C14orf132: variants seen among roughly 807,000 people sequenced by gnomAD.
C14orf132 encodes the protein chromosome 14 open reading frame 132, also known as uncharacterized protein C14orf132.
In C14orf132, 6 loss-of-function variants were observed where a neutral mutation model predicts 5.8. That is an observed-to-expected ratio of 1.03 (90% confidence interval 0.57 to 2.04). C14orf132 has a LOEUF of 2.04. Among genes scored for constraint, C14orf132 ranks in the 30% most tolerant of loss-of-function variants. The pLI, the probability that C14orf132 is intolerant of heterozygous loss-of-function variation, is 0.00. For synonymous variants in C14orf132, 51 were observed against 49.8 expected (o/e 1.02, Z -0.10); for missense variants, 125 against 115.8 (o/e 1.08, Z -0.37).
chr14:96,040,772 T>A (rs1737383518), intron 1 of C14orf132, among the ~76,000 whole-genome samples: 1 of 151,798 alleles, frequency 6.6e-6, no homozygotes, highest in African/African-American at 2.4e-5. Flanking sequence ...TGATTTTACA[T>A]CTCCTGTGCC....
intron 1 of C14orf132, among the ~76,000 whole-genome samples, chr14:96,054,261 C>T (rs1404276034): frequency 2.6e-5 from 4 of 152,190 alleles, no homozygotes; most frequent in Non-Finnish European, 5.9e-5. Flanking sequence ...GGAGTCAGGT[C>T]TCCCTGGGCT....
Position 96,093,653 on chromosome 14 carries a change from T to C in C14orf132, c.*6918T>C, listed in dbSNP as rs1888489938. 6.6e-6 allele frequency: 1 copy of C among 152,236 alleles called. No homozygotes were observed. Among genetic ancestry groups the C allele is most frequent in the South Asian group, 2.1e-4 (1 of 4,826 alleles). 9.4% of individuals were successfully genotyped at this position (152,236 alleles called of 1,614,324 possible). On this transcript the variant is annotated 3_prime_UTR_variant, in exon 2 of 2. Transcript: ENST00000555004. ...TGTAAGCAGTTGACTTCATAAAAGG[T>C]ATTTTAACTATTCTTGGAGTCCTTT...
intron 1 of C14orf132, among the ~76,000 whole-genome samples, chr14:96,085,173 G>A (rs1277788677): frequency 6.6e-6 from 1 of 152,232 alleles, no homozygotes; most frequent in Admixed American, 6.5e-5. Flanking sequence ...GGATTGTTGA[G>A]TGATTGAGAG....
intron 1 of C14orf132, among the ~76,000 whole-genome samples, chr14:96,079,516 C>G (rs1470395092): frequency 6.6e-6 from 1 of 152,018 alleles, no homozygotes; most frequent in Non-Finnish European, 1.5e-5. Context: ...AAATGTTGAG[C>G]CCTTCCGAAG....
In C14orf132 at chr14:96,086,644, C is replaced by T. The variant is rs1374174665; in HGVS notation, c.161C>T (p.Ser54Phe). Residue 54 changes from serine to phenylalanine, a missense_variant, in exon 2 of 2, where the codon TCC becomes TTC. By Grantham distance (155) the Ser-to-Phe change is radical. Transcript: ENST00000555004. ...GQGQPEDPPR[S>F]SNDAVLLWIA... ...GGCCAGCCGGAAGATCCTCCTCGGT[C>T]CTCCAACGACGCCGTCTTGCTATGG... 2 of 1,536,186 alleles carry T rather than the reference C, an allele frequency of 1.3e-6. No individual in the cohort carries two copies. Among genetic ancestry groups the T allele is most frequent in the Admixed American group, 2.0e-5 (1 of 51,010 alleles).
chr14:96,046,121 G>A (rs1357172020), intron 1 of C14orf132, among the ~76,000 whole-genome samples: 1 of 152,190 alleles, frequency 6.6e-6, no homozygotes, highest in Admixed American at 6.5e-5. Context: ...AGAAGCTGCA[G>A]GCTTCGTAGG....
intron 1 of C14orf132, among the ~76,000 whole-genome samples, chr14:96,056,695 T>A (rs1189907796): frequency 6.6e-6 from 1 of 152,096 alleles, no homozygotes; most frequent in Non-Finnish European, 1.5e-5. Context: ...TTCTGTTTTT[T>A]TTGGTCTGCA....
intron 1 of C14orf132, among the ~76,000 whole-genome samples, chr14:96,077,450 T>C (rs1887903836): frequency 6.6e-6 from 1 of 152,154 alleles, no homozygotes; most frequent in South Asian, 2.1e-4. Context: ...ATGCCCTAGT[T>C]CAGTATGATT....
rs149963567 is a variant in C14orf132, at chr14:96,046,814, C to T, written c.27+7287C>T. On this transcript the variant is annotated intron_variant, in intron 1 of 1. Coordinates refer to ENST00000555004, the MANE Select transcript of C14orf132 (RefSeq NM_001252507.3). ...CCTTGAGAGACTCACAGTTAATTTG[C>T]ATTTTAATCATTTTTCACAGAGGGG... Among the ~76,000 whole-genome samples, 34 of 152,310 alleles carry T rather than the reference C, an allele frequency of 2.2e-4. No individual in the cohort carries two copies. In the East Asian group the frequency reaches 3.7e-3, roughly 16 times the overall value.
chr14:96,086,703 G>A lies in C14orf132; in HGVS notation c.220G>A (p.Val74Met). The change falls in exon 2 of 2, where the codon GTG (valine) becomes ATG (methionine). Residue 74 changes from valine (V) to methionine (M), a missense_variant. Physicochemically the swap from Val to Met is conservative, Grantham distance 21. Coordinates refer to ENST00000555004, the MANE Select transcript of C14orf132 (RefSeq NM_001252507.3). ...AIIATLGNIVVVGVVYAFTF is the reference protein window; with the variant it reads ...AIIATLGNIVMVGVVYAFTF Reference sequence around the variant, plus strand: ...CATAGCTACGCTGGGGAACATCGTGGTGGTGGGCGTGGTGTATGCCTTCAC... The same window carrying A: ...CATAGCTACGCTGGGGAACATCGTGATGGTGGGCGTGGTGTATGCCTTCAC... The A allele has an allele frequency of 1.3e-6, 2 of 1,536,188 alleles. No individual in the cohort carries two copies. The highest frequency in any genetic ancestry group is 1.4e-5 in the African/African-American group (1 of 73,182).
chr14:96,048,186 T>C (rs1886886273), intron 1 of C14orf132, among the ~76,000 whole-genome samples: 1 of 152,194 alleles, frequency 6.6e-6, no homozygotes, highest in Admixed American at 6.5e-5. Flanking sequence ...AAACTCCATC[T>C]CAAAAAACAA....
chr14:96,064,802 A>G (rs1348243391), intron 1 of C14orf132, among the ~76,000 whole-genome samples: 1 of 152,082 alleles, frequency 6.6e-6, no homozygotes. Flanking sequence ...AACCACCTGT[A>G]CCCCAATAAC....
intron 1 of C14orf132, among the ~76,000 whole-genome samples, chr14:96,044,687 C>CT (rs1886786932): frequency 6.6e-6 from 1 of 152,190 alleles, no homozygotes; most frequent in Non-Finnish European, 1.5e-5. Flanking sequence ...CCAGGCCACT[C>CT]TCTTGGCATC....
At chr14:96,054,770 G>A (rs1177476893) in intron 1 of C14orf132, among the ~76,000 whole-genome samples, 2 of 152,128 alleles carry the variant, frequency 1.3e-5, no homozygotes, top group African/African-American at 4.8e-5. Context: ...TCAGGCTCTG[G>A]TCTGTTAGTG....
intron 1 of C14orf132, among the ~76,000 whole-genome samples, chr14:96,043,622 C>A (rs1335471829): frequency 1.3e-5 from 2 of 152,158 alleles, no homozygotes; most frequent in Admixed American, 6.5e-5. Flanking sequence ...GGGAGCCAGG[C>A]ACCAGCACTT....
At chr14:96,047,353 G>A (rs1886857009) in intron 1 of C14orf132, among the ~76,000 whole-genome samples, 1 of 152,200 alleles carries the variant, frequency 6.6e-6, no homozygotes, top group Admixed American at 6.5e-5. Flanking sequence ...ATCTGCAGGT[G>A]GATGGCCAGT....
chr14:96,071,937 G>C (rs1310315322), intron 1 of C14orf132, among the ~76,000 whole-genome samples: 5 of 152,256 alleles, frequency 3.3e-5, no homozygotes, highest in African/African-American at 9.6e-5. Context: ...ATGCCTGGGA[G>C]AGCCATGTGA....
At chr14:96,053,251 T>C (rs959603610) in intron 1 of C14orf132, among the ~76,000 whole-genome samples, 1 of 152,192 alleles carries the variant, frequency 6.6e-6, no homozygotes, top group African/African-American at 2.4e-5. Context: ...TCTCAAGTGT[T>C]AACAGGCACT....
chr14:96,054,178 G>T (rs1474505943), intron 1 of C14orf132, among the ~76,000 whole-genome samples: 1 of 152,154 alleles, frequency 6.6e-6, no homozygotes, highest in Non-Finnish European at 1.5e-5. Context: ...CCCTTATGCA[G>T]GGTGAGTCAC....
Sources: allele counts gnomAD v4.1 joint callset (sites outside exome capture counted in the v4.1 genomes callset), GRCh38; gene constraint gnomAD v4.1.1; transcripts MANE v1.5; gene names NCBI Gene and HGNC (gene_info 2026-07-23, HGNC 2026-07-21).